E2F8: variants seen among roughly 807,000 people sequenced by gnomAD.
E2F8 encodes E2F transcription factor 8, also known as transcription factor E2F8.
E2F8 carries 35 observed loss-of-function variants against 80.8 expected under a neutral mutation model. The ratio of observed to expected loss-of-function variants is 0.43; its 90% CI spans 0.33 to 0.57. E2F8 has a LOEUF of 0.57. Ranked by LOEUF, E2F8 falls within the 20% of genes least tolerant of loss-of-function variation. E2F8 has a pLI of 0.04. For missense variants in E2F8, 975 were observed against 1,056.2 expected (o/e 0.92, Z 1.07); for synonymous variants, 386 against 395.0 (o/e 0.98, Z 0.27).
intron 6 of E2F8, among the ~76,000 whole-genome samples, chr11:19,233,739 C>T (rs375107178): frequency 2.0e-5 from 3 of 152,034 alleles, no homozygotes; most frequent in Admixed American, 6.6e-5. Flanking sequence ...CCGCCCTCCT[C>T]GGCCTCCCAA....
Position 19,225,845 on chromosome 11 carries a change from T to C in E2F8, c.1913A>G (p.Tyr638Cys), listed in dbSNP as rs779945171. The C allele has an allele frequency of 4.8e-5, 77 of 1,613,946 alleles. No homozygotes were observed. Among genetic ancestry groups the C allele is most frequent in the Non-Finnish European group, 6.4e-5 (76 of 1,180,008 alleles). The change falls in exon 11 of 13, where the codon TAC becomes TGC. Residue 638 changes from tyrosine to cysteine, a missense_variant. By Grantham distance (194) the Tyr-to-Cys change is radical. Transcript: ENST00000250024. ...TGAGCACTGCGTGAGAGGGATTAGGTATCCTGATGGGAACAAGGTCTAGAA... is the reference window on the plus strand; with the variant it reads ...TGAGCACTGCGTGAGAGGGATTAGGCATCCTGATGGGAACAAGGTCTAGAA... ...NVSATLFPSG[Y>C]LIPLTQCSSL...
chr11:19,230,610 CT>C lies in E2F8; in HGVS notation c.1270+20del. Reference sequence around the variant, plus strand: ...AAAGGGAATTCTTCCTAGCAGATCCCTGACATTCCTGAAAACATACCTTTGT... The same window carrying C: ...AAAGGGAATTCTTCCTAGCAGATCCCGACATTCCTGAAAACATACCTTTGT... On this transcript the variant is annotated intron_variant, in intron 8 of 12. Transcript: ENST00000250024. 6.2e-7 allele frequency: 1 copy of C among 1,611,100 alleles called. No individual in the cohort carries two copies. The highest frequency in any genetic ancestry group is 8.5e-7 in the Non-Finnish European group (1 of 1,178,056).
chr11:19,238,397 G>T (rs968438059), intron 2 of E2F8, among the ~76,000 whole-genome samples: 2 of 152,184 alleles, frequency 1.3e-5, no homozygotes, highest in African/African-American at 2.4e-5. Flanking sequence ...AACAACTTTA[G>T]TTAGGACTTA....
At chr11:19,235,572 C>G (rs1367998743) in intron 4 of E2F8, among the ~76,000 whole-genome samples, 1 of 152,062 alleles carries the variant, frequency 6.6e-6, no homozygotes, top group Non-Finnish European at 1.5e-5. Flanking sequence ...TGGTGTGAAC[C>G]CGGGAGGCGG....
At chr11:19,230,385 C>T in intron 8 of E2F8, 57 bp from the exon 9 acceptor site, 1 of 1,527,144 alleles carries the variant, frequency 6.5e-7, no homozygotes, top group Admixed American at 1.9e-5. Context: ...AATGTTCACA[C>T]AGATGAAACC....
At chr11:19,230,040 C>T (rs1851335690) in intron 9 of E2F8, 52 bp from the exon 10 acceptor site, 2 of 1,603,194 alleles carry the variant, frequency 1.2e-6, no homozygotes, top group African/African-American at 2.7e-5. Flanking sequence ...TTTTTCTGAA[C>T]TGTTCTACCG....
intron 6 of E2F8, among the ~76,000 whole-genome samples, chr11:19,233,845 G>T (rs1022178989): frequency 6.6e-6 from 1 of 151,866 alleles, no homozygotes; most frequent in African/African-American, 2.4e-5. Context: ...TCAAATAAGA[G>T]TAGTGATACT....
rs767979515 is a variant in E2F8, at chr11:19,234,765, G to A, written c.745C>T (p.Pro249Ser). ...GHPDMCFVEL[P>S]GVEFRAASVN... ...TCACCTGCCCGAAATTCCACTCCAG[G>A]GAGTTCCACAAAACACATGTCTGGG... The change falls in exon 5 of 13, where the codon CCT (proline) becomes TCT (serine). Residue 249 changes from proline (P) to serine (S), a missense_variant. Transcript: ENST00000250024. The A allele has an allele frequency of 3.7e-6, 6 of 1,612,604 alleles. No homozygotes were observed. The highest frequency in any genetic ancestry group is 4.5e-5 in the East Asian group (2 of 44,864).
At chr11:19,233,709 G>A (rs1289891600) in intron 6 of E2F8, among the ~76,000 whole-genome samples, 1 of 151,840 alleles carries the variant, frequency 6.6e-6, no homozygotes, top group Admixed American at 6.6e-5. Context: ...AGGTTGGTCT[G>A]GATCTCCTGA....
chr11:19,226,832 G>A (rs1402366259), intron 10 of E2F8, among the ~76,000 whole-genome samples: 1 of 152,084 alleles, frequency 6.6e-6, no homozygotes, highest in East Asian at 1.9e-4. Context: ...CTTAAAATAC[G>A]CAAAGTACAC....
Position 19,227,944 on chromosome 11 carries a change from G to A in E2F8, c.1893+1510C>T, listed in dbSNP as rs538866336. Among the ~76,000 whole-genome samples the A allele has an allele frequency of 2.1e-4, 32 of 152,208 alleles. No individual in the cohort carries two copies. In the South Asian group the frequency reaches 5.6e-3, roughly 27 times the overall value. On this transcript the variant is annotated intron_variant, in intron 10 of 12. Coordinates refer to ENST00000250024, the MANE Select transcript of E2F8 (RefSeq NM_024680.4). ...CTCCACAAAAAATAAAAAATTAGCC[G>A]GGCATGGCAGCACACCTGTAGTCTA...
chr11:19,232,454 C>A, intron 6 of E2F8, 83 bp from the exon 7 acceptor site: 1 of 1,203,592 alleles, frequency 8.3e-7, no homozygotes, highest in Admixed American at 2.2e-5. Flanking sequence ...CATGTATATT[C>A]TAAGAGCTGT....
chr11:19,235,147 A>G, intron 4 of E2F8, 89 bp from the exon 5 acceptor site: 3 of 1,210,072 alleles, frequency 2.5e-6, no homozygotes, highest in Non-Finnish European at 3.4e-6. Context: ...ATTAGTCAGT[A>G]GGTCTTGGAT....
intron 6 of E2F8, among the ~76,000 whole-genome samples, chr11:19,232,950 A>G (rs1851419122): frequency 6.6e-6 from 1 of 152,206 alleles, no homozygotes; most frequent in African/African-American, 2.4e-5. Context: ...TTTTACTGCC[A>G]TCTTGATAGT....
rs150387289 is a variant in E2F8, at chr11:19,225,453, C to G, written c.2189G>C (p.Ser730Thr). ...SSHPVPIQNP[S>T]SAIVNFTLQH... ...CAGGGTGAAGTTTACAATGGCTGAG[C>G]TTGGGTTCTGGATGGGAACAGGGTG... is the stretch of plus-strand genomic sequence containing the variant. Residue 730 changes from serine (S) to threonine (T), a missense_variant, in exon 12 of 13, where the codon AGC becomes ACC. Physicochemically the swap from Ser to Thr is moderately conservative, Grantham distance 58. Coordinates refer to ENST00000250024, the MANE Select transcript of E2F8 (RefSeq NM_024680.4). 434 of 1,614,190 alleles carry G rather than the reference C, an allele frequency of 2.7e-4. 2 individuals are homozygous for G. Among genetic ancestry groups the G allele is most frequent in the Middle Eastern group, 4.9e-4 (3 of 6,062 alleles).
intron 1 of E2F8, 52 bp from the exon 2 acceptor site, chr11:19,240,282 AT>A (rs1271086660): frequency 4.9e-6 from 2 of 410,682 alleles, no homozygotes; most frequent in Non-Finnish European, 8.7e-6. Context: ...GAACCAAAAG[AT>A]CTGTTGAAAA....
At chr11:19,231,376 C>T (rs1851376636) in intron 7 of E2F8, among the ~76,000 whole-genome samples, 1 of 152,172 alleles carries the variant, frequency 6.6e-6, no homozygotes, top group Admixed American at 6.5e-5. Flanking sequence ...TGAGATTATA[C>T]CAAAATCACA....
At chr11:19,237,825 A>G in intron 3 of E2F8, 29 bp downstream of exon 3, 1 of 1,563,892 alleles carries the variant, frequency 6.4e-7, no homozygotes, top group Non-Finnish European at 8.7e-7. Flanking sequence ...CAAATTCCCC[A>G]GCCTCCAACC....
Position 19,234,346 on chromosome 11 carries a change from G to A in E2F8, c.928+14C>T, listed in dbSNP as rs760540341. On this transcript the variant is annotated intron_variant, in intron 6 of 12. Coordinates refer to ENST00000250024, the MANE Select transcript of E2F8 (RefSeq NM_024680.4). Reference sequence around the variant, plus strand: ...AGAATAGGTTCAAAAATCCATGGCAGTCATGACACTTACTTTTAAACTTGC... The same window carrying A: ...AGAATAGGTTCAAAAATCCATGGCAATCATGACACTTACTTTTAAACTTGC... 2.4e-5 allele frequency: 38 copies of A among 1,612,622 alleles called. No individual in the cohort carries two copies. Among genetic ancestry groups the A allele is most frequent in the Admixed American group, 8.4e-5 (5 of 59,760 alleles).
Sources: gnomAD v4.1 joint callset for allele counts (sites outside exome capture counted in the v4.1 genomes callset) on GRCh38, gnomAD v4.1.1 for gene constraint, MANE v1.5 for transcripts, NCBI Gene and HGNC (gene_info 2026-07-23, HGNC 2026-07-21) for gene names.